SLC25A21: variants seen among roughly 807,000 people sequenced by gnomAD.
The protein encoded by SLC25A21 is solute carrier family 25 member 21.
In SLC25A21, 47 loss-of-function variants were observed where a neutral mutation model predicts 43.8. The observed-to-expected ratio is 1.07, with a 90% CI of 0.85 to 1.37. SLC25A21 has a LOEUF of 1.37. Among genes scored for constraint, SLC25A21 ranks in the 40% most tolerant of loss-of-function variants. SLC25A21 has a pLI of 0.00. For missense variants in SLC25A21, 352 were observed against 350.2 expected, an observed-to-expected ratio of 1.00 and a Z score of -0.04; for synonymous variants, 131 against 121.3, an observed-to-expected ratio of 1.08 and a Z score of -0.52.
chr14:36,867,783 A>T (rs1192453335), intron 2 of SLC25A21, among the ~76,000 whole-genome samples: 1 of 131,500 alleles, frequency 7.6e-6, no homozygotes, highest in African/African-American at 2.7e-5. Flanking sequence ...ATTAAACACC[A>T]TGCTTTCGTG....
intron 1 of SLC25A21, among the ~76,000 whole-genome samples, chr14:37,067,116 A>AGAAAAATAATGGGGAAGCAGGAGGG (rs1962076869): frequency 6.6e-6 from 1 of 152,182 alleles, no homozygotes; most frequent in Non-Finnish European, 1.5e-5. Flanking sequence ...GAAGAAGAGA[A>AGAAAAATAATGGGGAAGCAGGAGGG]GAAAAATAAT....
At chr14:36,744,497 G>A (rs1427669152) in intron 3 of SLC25A21, among the ~76,000 whole-genome samples, 1 of 152,074 alleles carries the variant, frequency 6.6e-6, no homozygotes, top group Non-Finnish European at 1.5e-5. Flanking sequence ...GCAGAAGGGT[G>A]AAACTGGACC....
At chr14:36,819,191 A>G (rs1390110903) in intron 2 of SLC25A21, among the ~76,000 whole-genome samples, 1 of 152,178 alleles carries the variant, frequency 6.6e-6, no homozygotes, top group Non-Finnish European at 1.5e-5. Flanking sequence ...CCAGATACCT[A>G]TCTGCCGCTG....
chr14:36,819,460 T>C (rs1888556818), intron 2 of SLC25A21, among the ~76,000 whole-genome samples: 1 of 152,202 alleles, frequency 6.6e-6, no homozygotes, highest in African/African-American at 2.4e-5. Flanking sequence ...CTCAGTGATA[T>C]TCTATTTTAA....
intron 1 of SLC25A21, among the ~76,000 whole-genome samples, chr14:36,889,086 C>A (rs1443508486): frequency 6.6e-6 from 1 of 152,154 alleles, no homozygotes; most frequent in Non-Finnish European, 1.5e-5. Flanking sequence ...ACACTGGCCT[C>A]TTTGCTATGC....
At chr14:36,955,749 T>C (rs191503640) in intron 1 of SLC25A21, among the ~76,000 whole-genome samples, 33 of 152,288 alleles carry the variant, frequency 2.2e-4, no homozygotes, top group Non-Finnish European at 4.1e-4. Flanking sequence ...GTTTTTTGTT[T>C]TTTCATTGAA....
intron 1 of SLC25A21, among the ~76,000 whole-genome samples, chr14:37,105,763 T>C (rs1479612257): frequency 6.6e-6 from 1 of 152,116 alleles, no homozygotes; most frequent in East Asian, 1.9e-4. Flanking sequence ...AGTAGAATTC[T>C]AGTAGTAGAA....
At chr14:37,066,134 C>T (rs182864702) in intron 1 of SLC25A21, among the ~76,000 whole-genome samples, 35 of 152,162 alleles carry the variant, frequency 2.3e-4, no homozygotes, top group Non-Finnish European at 4.3e-4. Flanking sequence ...AATTGGTATC[C>T]ACACTTCCAG....
intron 3 of SLC25A21, among the ~76,000 whole-genome samples, chr14:36,735,994 G>T (rs1464356856): frequency 5.5e-5 from 8 of 144,692 alleles, no homozygotes; most frequent in African/African-American, 1.0e-4. Context: ...TGGAGTGCAG[G>T]GGCGCATCTC....
At position 36,679,983 on chromosome 14, in the gene SLC25A21, A is replaced by ATGTT; in HGVS notation, c.*671_*674dup. 1 of 849,820 alleles carries ATGTT rather than the reference A, an allele frequency of 1.2e-6. No individual in the cohort carries two copies. The highest frequency in any genetic ancestry group is 1.4e-6 in the Non-Finnish European group (1 of 719,384). The allele number at this position is 849,820 out of a possible 1,614,324, so 52.6% of individuals were successfully genotyped here. A position where few individuals can be genotyped will look rare whatever the true frequency, so the allele number is the denominator to read the frequency against. On this transcript the variant is annotated 3_prime_UTR_variant, in exon 10 of 10. Coordinates refer to ENST00000331299, the MANE Select transcript of SLC25A21 (RefSeq NM_030631.4). Reference sequence around the variant, plus strand: ...GTGTTTTAACATTCTGTTTTAAACAATGTTTTAAAATACCTATTTATTATC... The same window carrying ATGTT: ...GTGTTTTAACATTCTGTTTTAAACAATGTTTGTTTTAAAATACCTATTTATTATC...
intron 1 of SLC25A21, among the ~76,000 whole-genome samples, chr14:37,087,716 A>C (rs1007691827): frequency 6.6e-6 from 1 of 152,244 alleles, no homozygotes; most frequent in Non-Finnish European, 1.5e-5. Flanking sequence ...AGCTAGTTAC[A>C]ACAAGCCAGA....
chr14:36,940,327 A>C, intron 1 of SLC25A21, among the ~76,000 whole-genome samples: 1 of 152,102 alleles, frequency 6.6e-6, no homozygotes, highest in East Asian at 1.9e-4. Flanking sequence ...TATTTTAATA[A>C]AATTTTCTCT....
intron 1 of SLC25A21, among the ~76,000 whole-genome samples, chr14:36,891,892 A>C (rs2564852): frequency 1 from 152,229 of 152,234 alleles, 76,112 homozygotes; most frequent in Non-Finnish European, 1. Flanking sequence ...AACCTGTGTC[A>C]CATAGCGACC....
intron 2 of SLC25A21, among the ~76,000 whole-genome samples, chr14:36,827,943 G>C (rs1888893975): frequency 6.6e-6 from 1 of 152,198 alleles, no homozygotes; most frequent in African/African-American, 2.4e-5. Flanking sequence ...ATTCTGGAAA[G>C]TTAAAGACAC....
chr14:36,759,450 C>T (rs1240160369), intron 3 of SLC25A21, among the ~76,000 whole-genome samples: 1 of 152,142 alleles, frequency 6.6e-6, no homozygotes, highest in Non-Finnish European at 1.5e-5. Context: ...TTATTCTTTT[C>T]TTCAAATTCC....
At chr14:36,863,883 C>T (rs1369278112) in intron 2 of SLC25A21, among the ~76,000 whole-genome samples, 1 of 152,208 alleles carries the variant, frequency 6.6e-6, no homozygotes, top group Non-Finnish European at 1.5e-5. Flanking sequence ...GGAGGACCTC[C>T]AGCATGTGAG....
At chr14:36,940,962 C>A (rs1253320612) in intron 1 of SLC25A21, among the ~76,000 whole-genome samples, 1 of 152,090 alleles carries the variant, frequency 6.6e-6, no homozygotes, top group African/African-American at 2.4e-5. Context: ...GATTAAACAG[C>A]ATTTCATTGC....
At chr14:37,024,820 T>A (rs565675712) in intron 1 of SLC25A21, among the ~76,000 whole-genome samples, 1 of 152,126 alleles carries the variant, frequency 6.6e-6, no homozygotes, top group East Asian at 1.9e-4. Context: ...CCATAATTAA[T>A]CTCCTTATTT....
chr14:37,065,371 T>A (rs1214657307), intron 1 of SLC25A21, among the ~76,000 whole-genome samples: 1 of 152,160 alleles, frequency 6.6e-6, no homozygotes, highest in East Asian at 1.9e-4. Context: ...CAGGCTAAAA[T>A]CTAAGTGAAG....
Sources: gnomAD v4.1 joint callset for allele counts (sites outside exome capture counted in the v4.1 genomes callset) on GRCh38, gnomAD v4.1.1 for gene constraint, MANE v1.5 for transcripts, NCBI Gene and HGNC (gene_info 2026-07-23, HGNC 2026-07-21) for gene names.